Variants in ALCAM observed in about 807,000 individuals in gnomAD.
The protein encoded by ALCAM is activated leukocyte cell adhesion molecule.
A neutral mutation model predicts 70.9 loss-of-function variants in ALCAM; 30 were observed. The observed-to-expected ratio is 0.42, with a 90% confidence interval of 0.32 to 0.57. The LOEUF (loss-of-function observed/expected upper bound fraction) is 0.57, where lower values mean the gene tolerates loss of function less well. ALCAM is among the 20% of genes least tolerant of loss of function. The pLI, the probability that ALCAM is intolerant of heterozygous loss-of-function variation, is 0.11. For synonymous variants in ALCAM, 249 were observed against 242.5 expected (o/e 1.03, Z -0.25); for missense variants, 591 against 695.1 (o/e 0.85, Z 1.68).
chr3:105,475,114 G>C (rs1250064384), intron 1 of ALCAM, among the ~76,000 whole-genome samples: 1 of 151,828 alleles, frequency 6.6e-6, no homozygotes, highest in Non-Finnish European at 1.5e-5. Flanking sequence ...ACCTGGCAAG[G>C]CTTTTTCTAA....
chr3:105,524,889 A>G, intron 3 of ALCAM: 2 of 989,738 alleles, frequency 2.0e-6, no homozygotes, highest in Non-Finnish European at 2.4e-6. Flanking sequence ...ACGCATACAT[A>G]TACATGTATT....
At chr3:105,569,124 T>C (rs1242570674) in intron 14 of ALCAM, among the ~76,000 whole-genome samples, 2 of 152,162 alleles carry the variant, frequency 1.3e-5, no homozygotes, top group African/African-American at 2.4e-5. Flanking sequence ...GACTTCTTTA[T>C]GTATCACTCT....
intron 1 of ALCAM, among the ~76,000 whole-genome samples, chr3:105,459,057 G>A (rs1295147979): frequency 6.6e-6 from 1 of 152,096 alleles, no homozygotes; most frequent in Non-Finnish European, 1.5e-5. Context: ...AACAACACAT[G>A]CGAAATCTTT....
At chr3:105,469,704 G>T (rs1937865947) in intron 1 of ALCAM, among the ~76,000 whole-genome samples, 1 of 150,920 alleles carries the variant, frequency 6.6e-6, no homozygotes, top group Non-Finnish European at 1.5e-5. Context: ...GGTCTATTTG[G>T]AACTCTGAAA....
intron 1 of ALCAM, among the ~76,000 whole-genome samples, chr3:105,508,431 G>A (rs552570625): frequency 0.015 from 2,277 of 152,186 alleles, 25 homozygotes; most frequent in Middle Eastern, 0.037. Context: ...TAAAATGAAG[G>A]ATAATAATAT....
chr3:105,378,227 T>G (rs1178945162), intron 1 of ALCAM, among the ~76,000 whole-genome samples: 1 of 151,842 alleles, frequency 6.6e-6, no homozygotes, highest in Non-Finnish European at 1.5e-5. Flanking sequence ...TAGCAGGATA[T>G]ATATATATAG....
chr3:105,549,436 A>G (rs1322308165), intron 11 of ALCAM, among the ~76,000 whole-genome samples: 1 of 151,512 alleles, frequency 6.6e-6, no homozygotes, highest in Non-Finnish European at 1.5e-5. Context: ...TGAGTTCATA[A>G]GATGACCGAG....
At chr3:105,367,815 C>T (rs1935106455) in intron 1 of ALCAM, among the ~76,000 whole-genome samples, 1 of 152,220 alleles carries the variant, frequency 6.6e-6, no homozygotes. Flanking sequence ...GACAGTTCCT[C>T]CTGTCTCTGG....
intron 1 of ALCAM, among the ~76,000 whole-genome samples, chr3:105,453,441 G>A (rs1384190562): frequency 2.0e-5 from 3 of 152,180 alleles, no homozygotes; most frequent in East Asian, 1.9e-4. Context: ...AATGTCTGTG[G>A]TGTTACCAGT....
At chr3:105,409,670 A>T (rs1331133571) in intron 1 of ALCAM, among the ~76,000 whole-genome samples, 1 of 152,202 alleles carries the variant, frequency 6.6e-6, no homozygotes, top group African/African-American at 2.4e-5. Context: ...TTACTCATGT[A>T]ACCAAACACC....
At chr3:105,388,518 T>C (rs1935716834) in intron 1 of ALCAM, among the ~76,000 whole-genome samples, 1 of 151,596 alleles carries the variant, frequency 6.6e-6, no homozygotes, top group South Asian at 2.1e-4. Flanking sequence ...TTAAACTTAG[T>C]TTAGTATAAA....
intron 8 of ALCAM, among the ~76,000 whole-genome samples, chr3:105,543,344 G>A (rs1940169752): frequency 2.0e-5 from 3 of 151,590 alleles, no homozygotes; most frequent in Non-Finnish European, 4.4e-5. Context: ...ATGCATCTTG[G>A]TTTTGACAGG....
In ALCAM at chr3:105,375,743, C is replaced by T. The variant is rs1224476947; in HGVS notation, c.73+8262C>T. Reference sequence around the variant, plus strand: ...TCTATGAGATTTCTCAGTAATCACACTACCAATTTTTTTCTTAAAAAAACC... The same window carrying T: ...TCTATGAGATTTCTCAGTAATCACATTACCAATTTTTTTCTTAAAAAAACC... On this transcript the variant is annotated intron_variant, in intron 1 of 15. Transcript: ENST00000306107. Among the ~76,000 whole-genome samples, 3 of 152,128 alleles carry T rather than the reference C, an allele frequency of 2.0e-5. No individual in the cohort carries two copies. In the East Asian group the frequency reaches 5.8e-4, roughly 29 times the overall value.
chr3:105,526,304 A>T lies in ALCAM; in HGVS notation c.394+1796A>T, dbSNP rs1198188697. Among the ~76,000 whole-genome samples the T allele has an allele frequency of 3.4e-5, 5 of 149,082 alleles. No homozygotes were observed. The East Asian group carries it at 1.0e-3, about 30-fold the overall frequency. ...CATTTTGTAAAAAAAAAAAAAAAACATTAAGCTATTCCTCATATGCAAGAA... is the reference window on the plus strand; with the variant it reads ...CATTTTGTAAAAAAAAAAAAAAAACTTTAAGCTATTCCTCATATGCAAGAA... On this transcript the variant is annotated intron_variant, in intron 3 of 15. Coordinates refer to ENST00000306107, the MANE Select transcript of ALCAM (RefSeq NM_001627.4).
At chr3:105,523,727 C>T (rs188350314) in intron 2 of ALCAM, among the ~76,000 whole-genome samples, 34 of 152,314 alleles carry the variant, frequency 2.2e-4, no homozygotes, top group Non-Finnish European at 4.6e-4. Context: ...TAATCTGACT[C>T]ATTCCTTAAT....
intron 8 of ALCAM, among the ~76,000 whole-genome samples, chr3:105,542,431 A>T (rs911342112): frequency 6.6e-6 from 1 of 151,846 alleles, no homozygotes; most frequent in Non-Finnish European, 1.5e-5. Context: ...TCTTCATGAC[A>T]GTCCATATTA....
At chr3:105,420,458 A>T (rs1355703346) in intron 1 of ALCAM, among the ~76,000 whole-genome samples, 1 of 151,776 alleles carries the variant, frequency 6.6e-6, no homozygotes, top group East Asian at 1.9e-4. Flanking sequence ...TGCTGCATCT[A>T]AACTTCAGCC....
At chr3:105,389,741 C>T (rs1267197445) in intron 1 of ALCAM, among the ~76,000 whole-genome samples, 1 of 151,198 alleles carries the variant, frequency 6.6e-6, no homozygotes, top group Non-Finnish European at 1.5e-5. Flanking sequence ...TCCCTCCCCC[C>T]TACCCCCTCA....
intron 1 of ALCAM, among the ~76,000 whole-genome samples, chr3:105,456,460 G>C (rs1002360079): frequency 2.6e-5 from 4 of 152,174 alleles, no homozygotes; most frequent in African/African-American, 9.7e-5. Flanking sequence ...TAGGAACAAA[G>C]CTTCCTTTCC....
Sources: allele counts gnomAD v4.1 joint callset (sites outside exome capture counted in the v4.1 genomes callset), GRCh38; gene constraint gnomAD v4.1.1; transcripts MANE v1.5; gene names NCBI Gene and HGNC (gene_info 2026-07-23, HGNC 2026-07-21).